TRPM3: variants seen among roughly 807,000 people sequenced by gnomAD.
TRPM3 encodes long transient receptor potential channel 3.
In TRPM3, 77 loss-of-function variants were observed where a neutral mutation model predicts 181.2. That is an observed-to-expected ratio of 0.42 (90% CI 0.35 to 0.51). The LOEUF is 0.51. TRPM3 is among the 20% of genes least tolerant of loss of function. The pLI is 0.01. For synonymous variants in TRPM3, 745 were observed against 796.4 expected, an observed-to-expected ratio of 0.94 and a Z score of 1.09; for missense variants, 1,759 against 2,196.7, an observed-to-expected ratio of 0.80 and a Z score of 3.98.
At chr9:70,787,238 G>T (rs551368971) in intron 6 of TRPM3, among the ~76,000 whole-genome samples, 2 of 150,972 alleles carry the variant, frequency 1.3e-5, no homozygotes, top group Admixed American at 6.6e-5. Context: ...GAAAACAAAC[G>T]TATTAATCCA....
intron 1 of TRPM3, among the ~76,000 whole-genome samples, chr9:70,988,385 G>A (rs1054842480): frequency 2.0e-5 from 3 of 152,098 alleles, no homozygotes; most frequent in Non-Finnish European, 4.4e-5. Flanking sequence ...TAAAATGGAA[G>A]GGCTGTTAAG....
At chr9:71,299,529 A>ATATT (rs2086590978) in intron 1 of TRPM3, among the ~76,000 whole-genome samples, 1 of 116,658 alleles carries the variant, frequency 8.6e-6, no homozygotes, top group Non-Finnish European at 2.1e-5. Flanking sequence ...GGAAGGGAGA[A>ATATT]AAAAGAAAAG....
chr9:70,633,400 T>C (rs2066261693), intron 12 of TRPM3, among the ~76,000 whole-genome samples: 1 of 152,044 alleles, frequency 6.6e-6, no homozygotes, highest in Non-Finnish European at 1.5e-5. Context: ...GTAGATCTAC[T>C]ACGATGGCAT....
intron 1 of TRPM3, among the ~76,000 whole-genome samples, chr9:71,138,535 T>C (rs959627700): frequency 6.6e-6 from 1 of 152,066 alleles, no homozygotes; most frequent in African/African-American, 2.4e-5. Flanking sequence ...AAGCATTCTC[T>C]CCTTTTTCTT....
At chr9:71,376,177 A>T (rs2092660833) in intron 1 of TRPM3, among the ~76,000 whole-genome samples, 1 of 151,936 alleles carries the variant, frequency 6.6e-6, no homozygotes, top group African/African-American at 2.4e-5. Flanking sequence ...TAACTAGAAG[A>T]AGTCACAAAA....
At chr9:71,132,457 G>T (rs1362259501) in intron 1 of TRPM3, among the ~76,000 whole-genome samples, 1 of 152,132 alleles carries the variant, frequency 6.6e-6, no homozygotes, top group Non-Finnish European at 1.5e-5. Context: ...TGGTTGTCAG[G>T]GATCATTCGG....
intron 6 of TRPM3, among the ~76,000 whole-genome samples, chr9:70,785,052 A>C (rs2083310284): frequency 6.6e-6 from 1 of 152,062 alleles, no homozygotes; most frequent in African/African-American, 2.4e-5. Flanking sequence ...TTGATTCTTA[A>C]CAGCATGATT....
chr9:71,252,277 C>A (rs940945264), intron 1 of TRPM3, among the ~76,000 whole-genome samples: 1 of 152,016 alleles, frequency 6.6e-6, no homozygotes, highest in Admixed American at 6.6e-5. Context: ...ATAAAATCTG[C>A]TGCTCAGCCC....
intron 1 of TRPM3, among the ~76,000 whole-genome samples, chr9:71,049,739 C>A (rs2059857397): frequency 6.6e-6 from 1 of 152,084 alleles, no homozygotes; most frequent in African/African-American, 2.4e-5. Flanking sequence ...TCTTTGAGGG[C>A]AGAGGAGGTA....
At chr9:70,951,743 C>T (rs1208037896) in intron 1 of TRPM3, among the ~76,000 whole-genome samples, 1 of 152,170 alleles carries the variant, frequency 6.6e-6, no homozygotes, top group African/African-American at 2.4e-5. Flanking sequence ...ATTTCTGTTA[C>T]AGTAAATGCT....
chr9:70,884,325 A>G (rs2096051449), intron 1 of TRPM3, among the ~76,000 whole-genome samples: 1 of 152,222 alleles, frequency 6.6e-6, no homozygotes, highest in Non-Finnish European at 1.5e-5. Flanking sequence ...CTCCAACCCT[A>G]ACTCCTGCTC....
At chr9:70,564,918 C>G (rs531699430) in intron 22 of TRPM3, among the ~76,000 whole-genome samples, 1 of 152,196 alleles carries the variant, frequency 6.6e-6, no homozygotes, top group African/African-American at 2.4e-5. Flanking sequence ...TCTGTACTTA[C>G]AGCTCACGGT....
At chr9:71,268,501 A>G (rs1030849701) in intron 1 of TRPM3, among the ~76,000 whole-genome samples, 3 of 152,154 alleles carry the variant, frequency 2.0e-5, no homozygotes, top group African/African-American at 7.2e-5. Context: ...GGAAGCCTGA[A>G]TGTCCTAGCA....
At chr9:70,886,634 T>C (rs1452394464) in intron 1 of TRPM3, among the ~76,000 whole-genome samples, 2 of 152,150 alleles carry the variant, frequency 1.3e-5, no homozygotes, top group Non-Finnish European at 1.5e-5. Flanking sequence ...AGTGTCTCTT[T>C]TTGTTTATAA....
At chr9:71,133,538 TC>T (rs1205066066) in intron 1 of TRPM3, among the ~76,000 whole-genome samples, 2 of 151,748 alleles carry the variant, frequency 1.3e-5, no homozygotes, top group African/African-American at 2.4e-5. Flanking sequence ...ACTTAGGTGA[TC>T]CGCCTGCCTC....
intron 5 of TRPM3, among the ~76,000 whole-genome samples, chr9:70,831,785 C>T (rs954400907): frequency 6.6e-6 from 1 of 150,852 alleles, no homozygotes; most frequent in African/African-American, 2.4e-5. Context: ...TTTGATAGCA[C>T]AATAGGATGA....
chr9:71,392,254 G>C (rs2093079040), intron 1 of TRPM3, among the ~76,000 whole-genome samples: 1 of 152,064 alleles, frequency 6.6e-6, no homozygotes, highest in African/African-American at 2.4e-5. Context: ...CATCAGACTG[G>C]CAGTTTGAAC....
intron 1 of TRPM3, among the ~76,000 whole-genome samples, chr9:70,939,979 C>A (rs781228076): frequency 3.9e-5 from 6 of 152,138 alleles, no homozygotes; most frequent in African/African-American, 7.2e-5. Flanking sequence ...AGTGAGGAAT[C>A]CTGATGATGT....
intron 4 of TRPM3, 98 bp from the exon 5 acceptor site, chr9:70,843,225 T>G (rs1052009837): frequency 7.8e-7 from 1 of 1,275,382 alleles, no homozygotes; most frequent in Non-Finnish European, 1.1e-6. Flanking sequence ...CGAGGTTAAA[T>G]AAATTGAATA....
Sources: gnomAD v4.1 joint callset for allele counts (sites outside exome capture counted in the v4.1 genomes callset) on GRCh38, gnomAD v4.1.1 for gene constraint, MANE v1.5 for transcripts, NCBI Gene and HGNC (gene_info 2026-07-23, HGNC 2026-07-21) for gene names.